TMC1: variants seen among roughly 807,000 people sequenced by gnomAD.
TMC1 encodes the protein transmembrane channel like 1, also known as transmembrane channel-like protein 1.
A neutral mutation model predicts 105.8 loss-of-function variants in TMC1; 84 were observed. That is an observed-to-expected ratio of 0.79 (90% confidence interval 0.67 to 0.95). TMC1 has a LOEUF of 0.95. TMC1 is among the 40% of genes least tolerant of loss of function. The probability of loss-of-function intolerance (pLI) is 0.00; values close to 1 mark genes in which losing one functional copy is unlikely to be tolerated. For missense variants in TMC1, 817 were observed against 914.1 expected, an observed-to-expected ratio of 0.89 and a Z score of 1.37; for synonymous variants, 315 against 311.5, an observed-to-expected ratio of 1.01 and a Z score of -0.12.
chr9:72,737,069 G>A (rs1424668413), intron 8 of TMC1, among the ~76,000 whole-genome samples: 1 of 152,168 alleles, frequency 6.6e-6, no homozygotes, highest in Non-Finnish European at 1.5e-5. Flanking sequence ...GAGGAGAGTC[G>A]TTGTTGTCCC....
At chr9:72,599,574 C>T (rs1824773178) in intron 2 of TMC1, among the ~76,000 whole-genome samples, 2 of 152,170 alleles carry the variant, frequency 1.3e-5, no homozygotes, top group South Asian at 2.1e-4. Flanking sequence ...ATCTCTCTAT[C>T]TCCCTTTTTT....
chr9:72,575,274 G>A (rs373348466), intron 1 of TMC1, among the ~76,000 whole-genome samples: 7 of 151,890 alleles, frequency 4.6e-5, no homozygotes, highest in African/African-American at 4.8e-5. Context: ...TCTGCCTCCC[G>A]GGTTCAAGTG....
At chr9:72,748,323 A>G (rs1352322115) in intron 10 of TMC1, among the ~76,000 whole-genome samples, 3 of 152,194 alleles carry the variant, frequency 2.0e-5, no homozygotes, top group Non-Finnish European at 4.4e-5. Context: ...TATAGATCAA[A>G]TTGGTGTTTG....
At chr9:72,769,092 T>C (rs1827884528) in intron 12 of TMC1, among the ~76,000 whole-genome samples, 1 of 152,228 alleles carries the variant, frequency 6.6e-6, no homozygotes, top group Non-Finnish European at 1.5e-5. Flanking sequence ...TATAGTGCAG[T>C]GGTTAAGCAT....
chr9:72,551,484 C>G (rs1823859477), intron 1 of TMC1, among the ~76,000 whole-genome samples: 1 of 152,196 alleles, frequency 6.6e-6, no homozygotes, highest in Admixed American at 6.5e-5. Flanking sequence ...AATCTCCTTC[C>G]CCCTGTTGAG....
chr9:72,662,174 ATTTTCT>A (rs1369264377), intron 5 of TMC1, among the ~76,000 whole-genome samples: 13 of 144,696 alleles, frequency 9.0e-5, no homozygotes, highest in East Asian at 2.0e-4. Flanking sequence ...CCTTTGACAC[ATTTTCT>A]TTTTCTTTTT....
chr9:72,593,585 T>C (rs1306775247), intron 2 of TMC1, among the ~76,000 whole-genome samples: 1 of 151,532 alleles, frequency 6.6e-6, no homozygotes, highest in Non-Finnish European at 1.5e-5. Flanking sequence ...AGAGACGTGG[T>C]TTCTCCATGT....
chr9:72,813,150 T>G lies in TMC1; in HGVS notation c.1696-2993T>G, dbSNP rs192281986. Among the ~76,000 whole-genome samples the G allele has an allele frequency of 3.8e-4, 57 of 150,918 alleles. No individual in the cohort carries two copies. The East Asian group carries it at 6.8e-3, about 18-fold the overall frequency. On this transcript the variant is annotated intron_variant, in intron 18 of 23. Transcript: ENST00000297784. ...TGATCTCAAAGTTCAAGAGAATCTG[T>G]TTTTTTTTCTTTTTCCCTAACCGTT...
chr9:72,588,682 A>G (rs1376507456), intron 2 of TMC1, among the ~76,000 whole-genome samples: 1 of 152,208 alleles, frequency 6.6e-6, no homozygotes, highest in Admixed American at 6.5e-5. Flanking sequence ...AGGGGAAGAA[A>G]AATAGACCCT....
chr9:72,620,474 T>C (rs1978990), intron 3 of TMC1, among the ~76,000 whole-genome samples: 75,455 of 151,688 alleles, frequency 0.5, 19,091 homozygotes, highest in African/African-American at 0.59. Flanking sequence ...TGATCTTGAA[T>C]GCCTGGACTC....
At chr9:72,794,925 AAAG>A (rs1828336966) in intron 17 of TMC1, among the ~76,000 whole-genome samples, 1 of 152,214 alleles carries the variant, frequency 6.6e-6, no homozygotes, top group Non-Finnish European at 1.5e-5. Context: ...CTGTTATAAA[AAAG>A]AAGCTAATAG....
At chr9:72,644,248 G>A (rs1825674380) in intron 4 of TMC1, among the ~76,000 whole-genome samples, 1 of 151,716 alleles carries the variant, frequency 6.6e-6, no homozygotes, top group Admixed American at 6.6e-5. Flanking sequence ...GCAGTCTTTT[G>A]AAGAGCAGAT....
At chr9:72,758,169 G>A (rs1367699822) in intron 12 of TMC1, among the ~76,000 whole-genome samples, 1 of 151,910 alleles carries the variant, frequency 6.6e-6, no homozygotes, top group African/African-American at 2.4e-5. Flanking sequence ...TTTTGTTTTG[G>A]CAATGATTAT....
chr9:72,771,608 G>C (rs1438731705), intron 12 of TMC1, among the ~76,000 whole-genome samples: 1 of 152,228 alleles, frequency 6.6e-6, no homozygotes. Context: ...TTGTCAGAGA[G>C]AAGTAAGAGG....
chr9:72,758,511 C>T (rs1342655421), intron 12 of TMC1, among the ~76,000 whole-genome samples: 1 of 152,170 alleles, frequency 6.6e-6, no homozygotes, highest in Non-Finnish European at 1.5e-5. Flanking sequence ...CTGTCTTGGT[C>T]AGGACGTGGT....
chr9:72,656,061 C>T (rs1825880098), intron 5 of TMC1: 1 of 710,256 alleles, frequency 1.4e-6, no homozygotes, highest in Non-Finnish European at 2.6e-6. Context: ...GATTCTTTTC[C>T]TTTGCTCCTC....
chr9:72,806,033 C>T (rs1417251191), intron 18 of TMC1, among the ~76,000 whole-genome samples: 2 of 152,076 alleles, frequency 1.3e-5, no homozygotes, highest in Admixed American at 1.3e-4. Context: ...CATTGTCATC[C>T]GGGCCCATTC....
chr9:72,576,578 T>G (rs1379246152), intron 1 of TMC1, among the ~76,000 whole-genome samples: 1 of 152,084 alleles, frequency 6.6e-6, no homozygotes, highest in Non-Finnish European at 1.5e-5. Flanking sequence ...AAGGGATGGC[T>G]TGATGGGTTT....
At chr9:72,793,474 A>T (rs1013893335) in intron 17 of TMC1, among the ~76,000 whole-genome samples, 3 of 152,064 alleles carry the variant, frequency 2.0e-5, no homozygotes, top group Non-Finnish European at 4.4e-5. Flanking sequence ...GCTGAAGCAG[A>T]CCCTGAGCAC....
Sources: gnomAD v4.1 joint callset for allele counts (sites outside exome capture counted in the v4.1 genomes callset) on GRCh38, gnomAD v4.1.1 for gene constraint, MANE v1.5 for transcripts, NCBI Gene and HGNC (gene_info 2026-07-23, HGNC 2026-07-21) for gene names.